DSE: variants seen among roughly 807,000 people sequenced by gnomAD.
The protein encoded by DSE is dermatan sulfate epimerase, also known as dermatan-sulfate epimerase.
A neutral mutation model predicts 84.4 loss-of-function variants in DSE; 36 were observed. The observed-to-expected ratio is 0.43, with a 90% confidence interval of 0.33 to 0.56. The LOEUF (loss-of-function observed/expected upper bound fraction) is 0.56. DSE is among the 20% of genes least tolerant of loss of function. The probability of loss-of-function intolerance (pLI) is 0.06; values close to 1 mark genes in which losing one functional copy is unlikely to be tolerated. For synonymous variants in DSE, 410 were observed against 430.1 expected, an observed-to-expected ratio of 0.95 and a Z score of 0.58; for missense variants, 862 against 1,169.6, an observed-to-expected ratio of 0.74 and a Z score of 3.84.
At chr6:116,336,266 G>T (rs1777245554) in intron 2 of DSE, among the ~76,000 whole-genome samples, 1 of 152,168 alleles carries the variant, frequency 6.6e-6, no homozygotes, top group Non-Finnish European at 1.5e-5. Flanking sequence ...TAGTTATCTA[G>T]CATTTAGTCT....
chr6:116,390,121 G>A (rs908488437), intron 1 of DSE, among the ~76,000 whole-genome samples: 1 of 151,796 alleles, frequency 6.6e-6, no homozygotes, highest in South Asian at 2.1e-4. Context: ...AGACTGGAGT[G>A]CAGTGGGGTG....
intron 2 of DSE, among the ~76,000 whole-genome samples, chr6:116,363,297 G>A (rs1022440914): frequency 6.7e-6 from 1 of 148,292 alleles, no homozygotes; most frequent in African/African-American, 2.6e-5. Flanking sequence ...GTGTCTATAT[G>A]ATAGATACTT....
At chr6:116,411,611 A>C (rs1782361210) in intron 2 of DSE, among the ~76,000 whole-genome samples, 1 of 152,258 alleles carries the variant, frequency 6.6e-6, no homozygotes, top group South Asian at 2.1e-4. Flanking sequence ...TACAAGAAAA[A>C]AATTGGGAAA....
At chr6:116,370,570 G>T, upstream of DSE, 2 of 935,534 alleles carry the variant, frequency 2.1e-6, no homozygotes, top group Non-Finnish European at 2.5e-6. Flanking sequence ...CTCCCCCTGG[G>T]CCTCCAAAAG....
At chr6:116,406,761 C>T (rs1781956556) in intron 2 of DSE, among the ~76,000 whole-genome samples, 1 of 152,212 alleles carries the variant, frequency 6.6e-6, no homozygotes, top group Non-Finnish European at 1.5e-5. Context: ...ATGCTTACCA[C>T]AGTCTCTCTC....
rs377188647 is a variant in DSE at position 116,295,469 on chromosome 6, G to A, written c.-54+36502G>A. 8.6e-5 allele frequency among the ~76,000 whole-genome samples: 13 copies of A among 151,936 alleles called. No homozygotes were observed. In the East Asian group the frequency reaches 1.2e-3, roughly 14 times the overall value. ...CTTCCAAACATTTTTTAATTTCAAG[G>A]TCTTTATGTAAGATGAGATGTGATC... is the stretch of plus-strand genomic sequence containing the variant. On this transcript the variant is annotated intron_variant, in intron 2 of 3. Coordinates refer to the DSE transcript ENST00000430252.
chr6:116,255,154 T>C (rs984287744), intron 1 of DSE: 3 of 152,256 alleles, frequency 2.0e-5, no homozygotes, highest in Non-Finnish European at 4.4e-5. Context: ...AAATTTTGCA[T>C]ATTTATGTTT....
intron 2 of DSE, among the ~76,000 whole-genome samples, chr6:116,360,015 G>C (rs1440491895): frequency 6.6e-6 from 1 of 152,156 alleles, no homozygotes; most frequent in Non-Finnish European, 1.5e-5. Context: ...TTACACCATG[G>C]AATACTATGC....
chr6:116,423,950 G>A (rs1009659322), intron 2 of DSE, among the ~76,000 whole-genome samples: 1 of 152,122 alleles, frequency 6.6e-6, no homozygotes, highest in Non-Finnish European at 1.5e-5. Flanking sequence ...GTTGGGGCTT[G>A]GACATTTTCA....
intron 2 of DSE, among the ~76,000 whole-genome samples, chr6:116,351,009 A>G (rs900597033): frequency 3.9e-5 from 6 of 152,190 alleles, no homozygotes; most frequent in African/African-American, 1.4e-4. Flanking sequence ...CAGTCTTAAA[A>G]AAGAATGTTC....
upstream of DSE, chr6:116,369,798 A>T: frequency 1.4e-6 from 1 of 723,486 alleles, no homozygotes; most frequent in Non-Finnish European, 2.1e-6. Flanking sequence ...TGAGACATCC[A>T]CATTTTTTCC....
chr6:116,396,130 A>G, intron 1 of DSE, among the ~76,000 whole-genome samples: 1 of 152,176 alleles, frequency 6.6e-6, no homozygotes, highest in East Asian at 1.9e-4. Flanking sequence ...GGTCTGCTCT[A>G]CCAACAGCTA....
intron 2 of DSE, among the ~76,000 whole-genome samples, chr6:116,402,868 G>A (rs1781681808): frequency 6.6e-6 from 1 of 152,158 alleles, no homozygotes; most frequent in African/African-American, 2.4e-5. Context: ...AAAAAGAAGT[G>A]CCTATGAGAT....
intron 1 of DSE, among the ~76,000 whole-genome samples, chr6:116,390,416 G>T (rs1445897070): frequency 2.6e-5 from 4 of 152,024 alleles, no homozygotes; most frequent in African/African-American, 7.3e-5. Flanking sequence ...GAATTTATTG[G>T]TATTTATAAG....
At chr6:116,384,019 T>C (rs1780422297) in intron 1 of DSE, among the ~76,000 whole-genome samples, 1 of 152,176 alleles carries the variant, frequency 6.6e-6, no homozygotes, top group Non-Finnish European at 1.5e-5. Context: ...TAGATAAAAG[T>C]TAATAGTACA....
intron 1 of DSE, among the ~76,000 whole-genome samples, chr6:116,388,053 A>T (rs1289403944): frequency 1.3e-5 from 2 of 152,200 alleles, no homozygotes; most frequent in Non-Finnish European, 2.9e-5. Flanking sequence ...GAACCAGTAG[A>T]TCCATGTCTA....
chr6:116,372,446 C>T (rs1439487830), intron 1 of DSE, among the ~76,000 whole-genome samples: 4 of 152,058 alleles, frequency 2.6e-5, no homozygotes, highest in Non-Finnish European at 5.9e-5. Flanking sequence ...CCAGCCTGGG[C>T]GACAGGCTCA....
At chr6:116,374,853 A>G (rs998318043) in intron 1 of DSE, among the ~76,000 whole-genome samples, 3 of 152,126 alleles carry the variant, frequency 2.0e-5, no homozygotes, top group African/African-American at 4.8e-5. Flanking sequence ...TCATGACCCA[A>G]TCGCCTCTAG....
At chr6:116,326,917 CT>C (rs1183461624) in intron 2 of DSE, among the ~76,000 whole-genome samples, 1 of 152,180 alleles carries the variant, frequency 6.6e-6, no homozygotes, top group East Asian at 1.9e-4. Context: ...TGTAAGTAGA[CT>C]CTTCAAAATG....
Sources: allele counts gnomAD v4.1 joint callset (sites outside exome capture counted in the v4.1 genomes callset), GRCh38; gene constraint gnomAD v4.1.1; transcripts MANE v1.5; gene names NCBI Gene and HGNC (gene_info 2026-07-23, HGNC 2026-07-21).